Variants in ING5 observed in about 807,000 individuals in gnomAD.
ING5 encodes the protein inhibitor of growth protein 5.
ING5 carries 17 observed loss-of-function variants against 37.4 expected under a neutral mutation model. The ratio of observed to expected loss-of-function variants is 0.45; its 90% CI spans 0.31 to 0.68. ING5 has a LOEUF of 0.68. Among genes scored for constraint, ING5 ranks in the 30% least tolerant of loss-of-function variants. The pLI is 0.05. For synonymous variants in ING5, 123 were observed against 116.6 expected (o/e 1.06, Z -0.36); for missense variants, 233 against 311.9 (o/e 0.75, Z 1.91).
chr2:241,710,557 T>C (rs2070077283), intron 3 of ING5, among the ~76,000 whole-genome samples: 1 of 152,196 alleles, frequency 6.6e-6, no homozygotes. Context: ...CGATCTTGGC[T>C]CACTGCAACC....
chr2:241,712,014 G>A lies in ING5; in HGVS notation c.425G>A (p.Gly142Asp). The A allele has an allele frequency of 1.2e-6, 2 of 1,612,636 alleles. No individual in the cohort carries two copies. Among genetic ancestry groups the A allele is most frequent in the Non-Finnish European group, 1.7e-6 (2 of 1,179,402 alleles). ...CAGAAAGAAAAAAGAGGGTCCCGGG[G>A]CCGAGGCAGGAGGACATCAGAGGAA... Reference protein sequence around the residue: ...RGQKEKRGSRGRGRRTSEEDT... With the variant: ...RGQKEKRGSRDRGRRTSEEDT... Residue 142 changes from glycine (G) to aspartate (D), a missense_variant, in exon 5 of 8, where the codon GGC (glycine) becomes GAC (aspartate). Gly to Asp is a moderately conservative substitution (Grantham distance 94). This residue lies in a region of ING5 where 76 missense variants were observed against 68.2 expected (regional missense o/e 1.11). Coordinates refer to ENST00000313552, the MANE Select transcript of ING5 (RefSeq NM_032329.6).
chr2:241,688,710 ACCT>A (rs1475597788), intron 1 of ING5, among the ~76,000 whole-genome samples: 1 of 151,858 alleles, frequency 6.6e-6, no homozygotes, highest in African/African-American at 2.4e-5. Flanking sequence ...TGCACCCTCC[ACCT>A]CCCGGGTTCA....
At chr2:241,696,891 G>A (rs961485746) in intron 2 of ING5, among the ~76,000 whole-genome samples, 32 of 152,068 alleles carry the variant, frequency 2.1e-4, no homozygotes, top group African/African-American at 7.5e-4. Flanking sequence ...AGACCATCCT[G>A]GCCAATGTGG....
At chr2:241,698,493 AGGAGTGT>A (rs1481851222), upstream of ING5, among the ~76,000 whole-genome samples, 70 of 108,278 alleles carry the variant, frequency 6.5e-4, no homozygotes, top group African/African-American at 2.4e-3. Context: ...TTTATAATAG[AGGAGTGT>A]GTGTGTGTGT....
intron 5 of ING5, chr2:241,720,279 T>G (rs2070397768): frequency 8.1e-7 from 1 of 1,228,926 alleles, no homozygotes; most frequent in East Asian, 3.2e-5. Flanking sequence ...ACAGTGGGTA[T>G]TCACGCCCCT....
intron 6 of ING5, 40 bp downstream of exon 6, chr2:241,723,114 C>T (rs760757838): frequency 7.2e-5 from 116 of 1,613,982 alleles, no homozygotes; most frequent in Non-Finnish European, 9.2e-5. Flanking sequence ...GGGGCGGGGT[C>T]TTGTGTGGGG....
rs1478402877 is a variant in ING5 at position 241,702,117 on chromosome 2, C to T, written c.37+15C>T. ...CTATCTGGACAGTAAGCGCGCCCCA[C>T]GGGCCCCGCGCCCGCCGCCCACGCG... On this transcript the variant is annotated intron_variant, in intron 1 of 7. Transcript: ENST00000313552. 6.1e-6 allele frequency: 8 copies of T among 1,306,876 alleles called. No individual in the cohort carries two copies. Among genetic ancestry groups the T allele is most frequent in the South Asian group, 1.9e-5 (1 of 51,742 alleles). 81.0% of individuals were successfully genotyped at this position (1,306,876 alleles called of 1,614,324 possible).
intron 5 of ING5, among the ~76,000 whole-genome samples, chr2:241,717,137 C>T (rs566204282): frequency 1.5e-4 from 23 of 150,222 alleles, no homozygotes; most frequent in African/African-American, 5.1e-4. Context: ...TGCAGTGGTG[C>T]GATCTCAGCT....
At chr2:241,719,879 C>T (rs572355414) in intron 5 of ING5, 3 of 1,361,934 alleles carry the variant, frequency 2.2e-6, no homozygotes, top group African/African-American at 2.9e-5. Flanking sequence ...CCAGTAGTGA[C>T]AGATGAGAAG....
chr2:241,719,751 C>T, intron 5 of ING5: 1 of 1,453,220 alleles, frequency 6.9e-7, no homozygotes. Context: ...AGCACCTCTG[C>T]AAACACAGGA....
chr2:241,713,332 A>G (rs2070174312), intron 5 of ING5, among the ~76,000 whole-genome samples: 1 of 149,720 alleles, frequency 6.7e-6, no homozygotes, highest in African/African-American at 2.5e-5. Context: ...TGCTGGGATT[A>G]CAGGCATGAG....
chr2:241,704,090 C>G (rs1171638883), intron 1 of ING5, among the ~76,000 whole-genome samples: 1 of 152,134 alleles, frequency 6.6e-6, no homozygotes, highest in African/African-American at 2.4e-5. Context: ...AGTTGGCCTC[C>G]CCTGCCTGTG....
intron 2 of ING5, among the ~76,000 whole-genome samples, chr2:241,693,814 T>G (rs1249164590): frequency 2.6e-5 from 4 of 151,594 alleles, no homozygotes; most frequent in Non-Finnish European, 4.4e-5. Flanking sequence ...CCCACCACCA[T>G]GCCTGGCTAA....
At chr2:241,702,422 C>A (rs2069769239) in intron 1 of ING5, among the ~76,000 whole-genome samples, 1 of 151,808 alleles carries the variant, frequency 6.6e-6, no homozygotes, top group South Asian at 2.1e-4. Flanking sequence ...ACCCAGGCCC[C>A]GCCTCATCTC....
At chr2:241,721,825 A>G in intron 5 of ING5, 1 of 985,532 alleles carries the variant, frequency 1.0e-6, no homozygotes. Flanking sequence ...CCTTTCAAAC[A>G]GGAAAGTCTC....
chr2:241,695,187 CG>C lies in ING5; in HGVS notation c.43+4536del, dbSNP rs529666738. 2.5e-3 allele frequency among the ~76,000 whole-genome samples: 380 copies of C among 151,844 alleles called. 7 individuals are homozygous for C. The highest frequency in any genetic ancestry group is 8.8e-3 in the African/African-American group (362 of 41,248). On this transcript the variant is annotated intron_variant, in intron 2 of 7. Coordinates refer to the ING5 transcript ENST00000636051. Reference sequence around the variant, plus strand: ...GCTACCAAAGTGAGGTCACAAGAGCCGGTGGCTTCCACCCCAGCCTCCTGGG... The same window carrying C: ...GCTACCAAAGTGAGGTCACAAGAGCCGTGGCTTCCACCCCAGCCTCCTGGG...
At chr2:241,720,545 G>A (rs759931012) in intron 5 of ING5, 3 of 984,884 alleles carry the variant, frequency 3.0e-6, no homozygotes, top group Non-Finnish European at 3.6e-6. Context: ...GGCAGAACCT[G>A]TGTGTGTGGA....
chr2:241,706,477 A>C (rs141325235), intron 2 of ING5, among the ~76,000 whole-genome samples: 15,840 of 151,794 alleles, frequency 0.1, 794 homozygotes, highest in South Asian at 0.13. Flanking sequence ...TAAAAATACA[A>C]AATTAGCCGG....
At chr2:241,710,450 G>A (rs2070074029) in intron 3 of ING5, among the ~76,000 whole-genome samples, 1 of 150,624 alleles carries the variant, frequency 6.6e-6, no homozygotes, top group South Asian at 2.1e-4. Context: ...TTACAGGTGT[G>A]CACCACTACC....
Sources: gnomAD v4.1 joint callset for allele counts (sites outside exome capture counted in the v4.1 genomes callset) on GRCh38, gnomAD v4.1.1 for gene constraint, gnomAD v4.1.1 regional missense constraint, MANE v1.5 for transcripts, NCBI Gene and HGNC (gene_info 2026-07-23, HGNC 2026-07-21) for gene names.